Variants in EYS observed in about 807,000 individuals in gnomAD.
EYS encodes protein eyes shut homolog.
A neutral mutation model predicts 282.1 loss-of-function variants in EYS; 250 were observed. The ratio of observed to expected loss-of-function variants is 0.89; its 90% CI spans 0.80 to 0.98. The LOEUF is 0.98. Among genes scored for constraint, EYS ranks in the 50% least tolerant of loss-of-function variants. EYS has a pLI of 0.00. For synonymous variants in EYS, 1,355 were observed against 1,282.9 expected (o/e 1.06, Z -1.20); for missense variants, 4,016 against 3,709.0 (o/e 1.08, Z -2.15).
intron 33 of EYS, among the ~76,000 whole-genome samples, chr6:64,028,422 G>A (rs1034389619): frequency 3.9e-5 from 6 of 152,194 alleles, no homozygotes; most frequent in Non-Finnish European, 5.9e-5. Context: ...AAAACCAAAC[G>A]GTCATTGGAG....
intron 11 of EYS, among the ~76,000 whole-genome samples, chr6:65,327,298 C>A (rs1217045086): frequency 6.6e-6 from 1 of 151,520 alleles, no homozygotes; most frequent in African/African-American, 2.4e-5. Context: ...ACCTCTTAAC[C>A]TAGAATTGCT....
intron 28 of EYS, among the ~76,000 whole-genome samples, chr6:64,427,112 G>A (rs1363652916): frequency 6.6e-6 from 1 of 152,086 alleles, no homozygotes; most frequent in Non-Finnish European, 1.5e-5. Flanking sequence ...ATTGCAGTTA[G>A]CATGATAATT....
chr6:64,104,479 C>A (rs1310216046), intron 31 of EYS, among the ~76,000 whole-genome samples: 2 of 152,058 alleles, frequency 1.3e-5, no homozygotes, highest in Admixed American at 6.6e-5. Context: ...AAATTATTCT[C>A]ATTTTCTGTT....
At chr6:65,599,376 C>T (rs1251600011) in intron 2 of EYS, among the ~76,000 whole-genome samples, 1 of 151,980 alleles carries the variant, frequency 6.6e-6, no homozygotes, top group Admixed American at 6.6e-5. Flanking sequence ...AGTTTGGGCC[C>T]ACATTTATCT....
chr6:64,949,773 A>T lies in EYS; in HGVS notation c.2260-3859T>A, dbSNP rs918125630. On this transcript the variant is annotated intron_variant, in intron 14 of 42. Transcript: ENST00000503581. Reference sequence around the variant, plus strand: ...TAAAATTTTGCCTTTAATATCTACTAATCTACTTAATCTTTCCAAGTAACC... The same window carrying T: ...TAAAATTTTGCCTTTAATATCTACTTATCTACTTAATCTTTCCAAGTAACC... Among the ~76,000 whole-genome samples the T allele has an allele frequency of 4.0e-5, 6 of 151,882 alleles. No individual in the cohort carries two copies. The Admixed American group carries it at 4.0e-4, about 10-fold the overall frequency.
chr6:65,055,053 T>G, intron 13 of EYS, among the ~76,000 whole-genome samples: 1 of 151,998 alleles, frequency 6.6e-6, no homozygotes, highest in Non-Finnish European at 1.5e-5. Flanking sequence ...ACAATAATAA[T>G]TCACAGAAGC....
chr6:65,087,932 C>A (rs1035012870), intron 12 of EYS, among the ~76,000 whole-genome samples: 1 of 152,126 alleles, frequency 6.6e-6, no homozygotes, highest in Non-Finnish European at 1.5e-5. Flanking sequence ...GGACAGTTTT[C>A]CCCATGCCGT....
chr6:65,374,764 C>A (rs967385205), intron 8 of EYS, among the ~76,000 whole-genome samples: 1 of 151,986 alleles, frequency 6.6e-6, no homozygotes, highest in Admixed American at 6.6e-5. Flanking sequence ...TTTCCCCTGA[C>A]CCTTCTAAAG....
intron 12 of EYS, among the ~76,000 whole-genome samples, chr6:65,235,894 C>A (rs1259635299): frequency 6.6e-6 from 1 of 151,874 alleles, no homozygotes; most frequent in East Asian, 1.9e-4. Context: ...TCTTGAGGAT[C>A]TTAATATTAC....
chr6:63,732,778 T>C (rs1258287589), intron 41 of EYS, among the ~76,000 whole-genome samples: 3 of 152,194 alleles, frequency 2.0e-5, no homozygotes, highest in African/African-American at 4.8e-5. Context: ...TTCACAGAAG[T>C]TGAAGTATTT....
intron 35 of EYS, among the ~76,000 whole-genome samples, chr6:63,878,177 G>A (rs778505160): frequency 1.1e-4 from 16 of 151,878 alleles, no homozygotes; most frequent in Non-Finnish European, 2.1e-4. Flanking sequence ...CTTTCTGTTT[G>A]TTAGTTTTCC....
chr6:65,397,724 G>GC (rs1330049969), intron 7 of EYS, among the ~76,000 whole-genome samples: 14 of 151,832 alleles, frequency 9.2e-5, no homozygotes, highest in African/African-American at 3.4e-4. Context: ...ACATATGAGT[G>GC]CAGGTGCTAT....
At chr6:65,370,731 G>C (rs1220691486) in intron 8 of EYS, among the ~76,000 whole-genome samples, 1 of 151,768 alleles carries the variant, frequency 6.6e-6, no homozygotes, top group Non-Finnish European at 1.5e-5. Flanking sequence ...TCATTACTAA[G>C]AAAGAGTTCT....
At chr6:64,944,904 C>A (rs1769225465) in intron 15 of EYS, among the ~76,000 whole-genome samples, 1 of 152,022 alleles carries the variant, frequency 6.6e-6, no homozygotes, top group African/African-American at 2.4e-5. Flanking sequence ...TGTGCATGTC[C>A]AGTCATAGTA....
At chr6:64,411,389 T>C (rs1435810799) in intron 28 of EYS, among the ~76,000 whole-genome samples, 1 of 152,034 alleles carries the variant, frequency 6.6e-6, no homozygotes, top group Non-Finnish European at 1.5e-5. Context: ...AAAAGACACA[T>C]GTGAGAACCA....
chr6:63,813,153 A>AT (rs1445949152), intron 36 of EYS, among the ~76,000 whole-genome samples: 3 of 151,592 alleles, frequency 2.0e-5, no homozygotes, highest in East Asian at 3.9e-4. Context: ...TAACTTTTGT[A>AT]TTTTTTTGTA....
At chr6:63,864,142 C>G in intron 36 of EYS, 44 bp downstream of exon 36, 1 of 1,411,982 alleles carries the variant, frequency 7.1e-7, no homozygotes, top group Non-Finnish European at 9.3e-7. Context: ...TCCTCTTCAC[C>G]TCTTTCTGTC....
At position 64,622,583 on chromosome 6, in the gene EYS, A is replaced by C. The variant is rs571613390; in HGVS notation, c.3568+3538T>G. Among the ~76,000 whole-genome samples the C allele has an allele frequency of 3.3e-5, 5 of 152,292 alleles. No homozygotes were observed. The East Asian group carries it at 9.7e-4, about 29-fold the overall frequency. On this transcript the variant is annotated intron_variant, in intron 23 of 42. Transcript: ENST00000503581. ...AATGAAGAGGGAAGGGAGAAAAGAG[A>C]TAAAACCTTTTGGCATAGAGGTGGA...
intron 41 of EYS, among the ~76,000 whole-genome samples, chr6:63,736,494 G>C (rs1274825973): frequency 6.6e-6 from 1 of 152,058 alleles, no homozygotes; most frequent in East Asian, 1.9e-4. Flanking sequence ...CTGTAGCCTT[G>C]TAGTATAGTT....
Sources: allele counts gnomAD v4.1 joint callset (sites outside exome capture counted in the v4.1 genomes callset), GRCh38; gene constraint gnomAD v4.1.1; transcripts MANE v1.5; gene names NCBI Gene and HGNC (gene_info 2026-07-23, HGNC 2026-07-21).